The following UVRAG variants were observed in gnomAD, a reference collection of about 807,000 sequenced individuals.
The protein encoded by UVRAG is UV radiation resistance-associated gene protein.
Under a neutral mutation model 78.0 loss-of-function variants are expected in UVRAG, and 19 were observed. That is an observed-to-expected ratio of 0.24 (90% CI 0.17 to 0.36). UVRAG has a LOEUF of 0.36. Ranked by LOEUF, UVRAG falls within the 10% of genes least tolerant of loss-of-function variation. The pLI is 1.00. For missense variants in UVRAG, 740 were observed against 853.8 expected (o/e 0.87, Z 1.66); for synonymous variants, 323 against 324.6 (o/e 1.00, Z 0.05).
At chr11:75,949,700 T>TAC (rs1423346827) in intron 6 of UVRAG, among the ~76,000 whole-genome samples, 2 of 143,150 alleles carry the variant, frequency 1.4e-5, no homozygotes, top group African/African-American at 5.6e-5. Context: ...TACATATATA[T>TAC]ATATATATAT....
intron 13 of UVRAG, among the ~76,000 whole-genome samples, chr11:76,094,501 G>T (rs1342861327): frequency 6.6e-6 from 1 of 152,078 alleles, no homozygotes; most frequent in Admixed American, 6.6e-5. Flanking sequence ...ACTTTTTTTG[G>T]TTGGTAGGCT....
At chr11:76,046,984 T>C (rs892206010) in intron 12 of UVRAG, among the ~76,000 whole-genome samples, 4 of 152,316 alleles carry the variant, frequency 2.6e-5, no homozygotes, top group African/African-American at 7.2e-5. Flanking sequence ...AAAACATTGA[T>C]TTTTAAGTGT....
chr11:75,877,002 G>C (rs1268251410), intron 3 of UVRAG, among the ~76,000 whole-genome samples: 2 of 151,304 alleles, frequency 1.3e-5, no homozygotes, highest in East Asian at 3.9e-4. Context: ...GCGGCCTTCC[G>C]CAGTGTTTGT....
At chr11:75,927,335 C>T (rs1948132644) in intron 6 of UVRAG, among the ~76,000 whole-genome samples, 1 of 152,044 alleles carries the variant, frequency 6.6e-6, no homozygotes, top group South Asian at 2.1e-4. Context: ...TCCCAAAGTG[C>T]TGGGATTACA....
intron 1 of UVRAG, among the ~76,000 whole-genome samples, chr11:75,818,511 C>CTCTG (rs1945314997): frequency 6.7e-6 from 1 of 149,826 alleles, no homozygotes; most frequent in Non-Finnish European, 1.5e-5. Flanking sequence ...TGGAGTCTAG[C>CTCTG]TCTGTTGCCC....
At chr11:76,134,191 C>G (rs1215047100) in intron 14 of UVRAG, among the ~76,000 whole-genome samples, 1 of 151,482 alleles carries the variant, frequency 6.6e-6, no homozygotes. Context: ...GAACTCCTGA[C>G]CTCAGGTGAT....
chr11:75,883,685 A>G (rs1947006848), intron 4 of UVRAG, among the ~76,000 whole-genome samples: 1 of 152,208 alleles, frequency 6.6e-6, no homozygotes, highest in African/African-American at 2.4e-5. Context: ...TGATTGATGA[A>G]TACCTTCATA....
chr11:76,075,580 C>T (rs1210273104), intron 13 of UVRAG, among the ~76,000 whole-genome samples: 18 of 151,686 alleles, frequency 1.2e-4, no homozygotes, highest in Admixed American at 1.2e-3. Context: ...CCACTGCACT[C>T]CAGCCTAGGC....
intron 3 of UVRAG, among the ~76,000 whole-genome samples, chr11:75,875,864 C>T (rs374165256): frequency 1.3e-5 from 2 of 151,916 alleles, no homozygotes; most frequent in Admixed American, 1.3e-4. Flanking sequence ...TGAATTATGT[C>T]CTTGCTTCCT....
intron 6 of UVRAG, among the ~76,000 whole-genome samples, chr11:75,918,752 A>G (rs747625800): frequency 3.3e-5 from 5 of 152,142 alleles, no homozygotes; most frequent in South Asian, 2.1e-4. Context: ...TGCCATTTCT[A>G]TTGATCAAAT....
chr11:76,065,631 A>AT, intron 12 of UVRAG, 79 bp from the exon 13 acceptor site: 1 of 1,312,748 alleles, frequency 7.6e-7, no homozygotes, highest in Non-Finnish European at 1.1e-6. Context: ...TATCTAAGAA[A>AT]CTTCAGCCTC....
chr11:76,057,802 T>G lies in UVRAG; in HGVS notation c.1227-7908T>G, dbSNP rs539073094. Among the ~76,000 whole-genome samples the G allele has an allele frequency of 3.9e-5, 6 of 152,286 alleles. No homozygotes were observed. The South Asian group carries it at 6.2e-4, about 16-fold the overall frequency. ...GGTGCTTTACTTTGGCCATAATAAT[T>G]TAGTATGGGTCTATAGCTTTTGGTC... On this transcript the variant is annotated intron_variant, in intron 12 of 14. Coordinates refer to ENST00000356136, the MANE Select transcript of UVRAG (RefSeq NM_003369.4).
intron 8 of UVRAG, among the ~76,000 whole-genome samples, chr11:76,002,330 AT>A (rs1430566041): frequency 1.3e-5 from 2 of 152,160 alleles, no homozygotes; most frequent in Non-Finnish European, 2.9e-5. Flanking sequence ...GGTATGTTAC[AT>A]TTTGTTAGCT....
intron 12 of UVRAG, among the ~76,000 whole-genome samples, chr11:76,034,340 T>TGCCA (rs1319511846): frequency 3.3e-5 from 5 of 152,088 alleles, no homozygotes; most frequent in Non-Finnish European, 5.9e-5. Flanking sequence ...TATAGTCTTA[T>TGCCA]GCCAGCATGC....
intron 2 of UVRAG, among the ~76,000 whole-genome samples, chr11:75,858,913 G>A (rs1043238039): frequency 1.3e-5 from 2 of 152,184 alleles, no homozygotes; most frequent in African/African-American, 2.4e-5. Flanking sequence ...AGGCACTTAA[G>A]CATTTGTTGA....
At chr11:75,932,536 G>A (rs780818728) in intron 6 of UVRAG, among the ~76,000 whole-genome samples, 72 of 152,048 alleles carry the variant, frequency 4.7e-4, no homozygotes, top group South Asian at 8.3e-4. Flanking sequence ...TGCCCGCCTC[G>A]GCCTCCCAAA....
At chr11:76,110,595 G>A (rs775987632) in intron 13 of UVRAG, among the ~76,000 whole-genome samples, 8 of 152,150 alleles carry the variant, frequency 5.3e-5, no homozygotes, top group African/African-American at 7.2e-5. Flanking sequence ...GGAAAAGTGC[G>A]TATGGGGAGG....
chr11:76,127,650 AATG>A lies in UVRAG; in HGVS notation c.1397+11637_1397+11639del, dbSNP rs1591266545. On this transcript the variant is annotated intron_variant, in intron 14 of 14. Coordinates refer to ENST00000356136, the MANE Select transcript of UVRAG (RefSeq NM_003369.4). ...ACTCCGTCTCAAAAAAAAAAAAAAA[AATG>A]AATGAATGAATGAATCAATGAGGCC... 5.6e-3 allele frequency among the ~76,000 whole-genome samples: 839 copies of A among 149,800 alleles called. 6 individuals carry two copies. The highest frequency in any genetic ancestry group is 0.019 in the African/African-American group (746 of 40,086).
intron 13 of UVRAG, among the ~76,000 whole-genome samples, chr11:76,098,917 G>C (rs1430073159): frequency 1.3e-5 from 2 of 152,076 alleles, no homozygotes; most frequent in East Asian, 3.9e-4. Flanking sequence ...TAAATAAAAT[G>C]GTTCCTCAGC....
Sources: gnomAD v4.1 joint callset for allele counts (sites outside exome capture counted in the v4.1 genomes callset) on GRCh38, gnomAD v4.1.1 for gene constraint, MANE v1.5 for transcripts, NCBI Gene and HGNC (gene_info 2026-07-23, HGNC 2026-07-21) for gene names.